ARMC6: variants seen among roughly 807,000 people sequenced by gnomAD.
The protein encoded by ARMC6 is armadillo repeat containing 6, also known as armadillo repeat-containing protein 6.
In ARMC6, 43 loss-of-function variants were observed where a neutral mutation model predicts 49.2. The ratio of observed to expected loss-of-function variants is 0.87; its 90% CI spans 0.69 to 1.13. ARMC6 has a LOEUF of 1.13. Ranked by LOEUF, ARMC6 falls within the 50% of genes most tolerant of loss-of-function variation. The pLI is 0.00. For synonymous variants in ARMC6, 262 were observed against 289.6 expected, an observed-to-expected ratio of 0.90 and a Z score of 0.97; for missense variants, 627 against 682.0, an observed-to-expected ratio of 0.92 and a Z score of 0.90.
At chr19:19,039,243 T>A (rs1344104135) in intron 2 of ARMC6, 3 of 361,114 alleles carry the variant, frequency 8.3e-6, no homozygotes, top group African/African-American at 2.1e-5. Context: ...CAAATGATCC[T>A]CCTGCTTCAG....
Position 19,044,011 on chromosome 19 carries a change from TG to T in ARMC6, c.217del (p.Val73Ter), listed in dbSNP as rs777043274. ...ESQGVDLSNI[V>X]KTAPKVSADG... Reference sequence around the variant, plus strand: ...CAACAGGGGTTGATCTGAGCAACATTGTAAAGACGGCACCTAAAGTCTCTGC... The same window carrying T: ...CAACAGGGGTTGATCTGAGCAACATTTAAAGACGGCACCTAAAGTCTCTGC... On this transcript the variant is annotated frameshift_variant, in exon 4 of 9. Coordinates refer to ENST00000535612, the MANE Select transcript of ARMC6 (RefSeq NM_001199196.2). LOFTEE classifies it high-confidence loss of function. The T allele has an allele frequency of 4.3e-6, 7 of 1,613,908 alleles. No individual in the cohort carries two copies. The highest frequency in any genetic ancestry group is 1.3e-5 in the African/African-American group (1 of 74,890).
rs1465162864 is a variant in ARMC6 at position 19,057,551 on chromosome 19, G to T, written c.1429G>T (p.Ala477Ser). Residue 477 changes from alanine (A) to serine (S), a missense_variant, in exon 9 of 9, where the codon GCC becomes TCC. Transcript: ENST00000535612. ...AHRDCEDVAK[A>S]ALRDLGCHVE... is the part of the protein sequence containing the mutation. Reference sequence around the variant, plus strand: ...CCGTGACTGTGAGGACGTGGCCAAGGCCGCCCTGCGGGACCTGGGTTGTCA... The same window carrying T: ...CCGTGACTGTGAGGACGTGGCCAAGTCCGCCCTGCGGGACCTGGGTTGTCA... 12 of 1,613,844 alleles carry T rather than the reference G, an allele frequency of 7.4e-6. No individual in the cohort carries two copies. In the South Asian group the frequency reaches 1.2e-4, roughly 16 times the overall value.
At chr19:19,049,049 G>A (rs2059475413) in intron 4 of ARMC6, among the ~76,000 whole-genome samples, 1 of 150,360 alleles carries the variant, frequency 6.7e-6, no homozygotes, top group Non-Finnish European at 1.5e-5. Flanking sequence ...TAGTATGGAT[G>A]AGGACTTAGA....
chr19:19,051,155 G>A (rs2059491917), intron 4 of ARMC6, among the ~76,000 whole-genome samples: 1 of 152,218 alleles, frequency 6.6e-6, no homozygotes, highest in African/African-American at 2.4e-5. Context: ...CCATTGACAG[G>A]TGTGCCAGTT....
At chr19:19,049,466 T>G (rs2145868191) in intron 4 of ARMC6, among the ~76,000 whole-genome samples, 1 of 152,318 alleles carries the variant, frequency 6.6e-6, no homozygotes, top group South Asian at 2.1e-4. Flanking sequence ...GTCAGGAGCT[T>G]TTCAAGTTTC....
At chr19:19,039,106 A>G (rs931897491) in intron 2 of ARMC6, among the ~76,000 whole-genome samples, 15 of 148,982 alleles carry the variant, frequency 1.0e-4, no homozygotes, top group Admixed American at 2.1e-4. Flanking sequence ...TAATTTACAT[A>G]CCATAATATT....
At chr19:19,050,314 T>A (rs2059485213) in intron 4 of ARMC6, among the ~76,000 whole-genome samples, 1 of 152,232 alleles carries the variant, frequency 6.6e-6, no homozygotes. Flanking sequence ...GGTATCTCTT[T>A]GAGACTGTGC....
At chr19:19,048,144 G>A (rs1419904887) in intron 4 of ARMC6, among the ~76,000 whole-genome samples, 1 of 152,066 alleles carries the variant, frequency 6.6e-6, no homozygotes, top group Non-Finnish European at 1.5e-5. Context: ...TCAGGTGTTC[G>A]AGACCAGCCT....
At position 19,057,692 on chromosome 19, in the gene ARMC6, C is replaced by A; in HGVS notation, c.*64C>A. 6.7e-7 allele frequency: 1 copy of A among 1,485,260 alleles called. No individual in the cohort carries two copies. The highest frequency in any genetic ancestry group is 9.3e-7 in the Non-Finnish European group (1 of 1,074,432). The allele number at this position is 1,485,260 out of a possible 1,614,324, so 92.0% of individuals were successfully genotyped here. A position where few individuals can be genotyped will look rare whatever the true frequency, so the allele number is the denominator to read the frequency against. The stretch of plus-strand genomic sequence containing the variant: ...TGTGACTCAGGAATGGGGGTAGATC[C>A]ATGTCCTCCACTGTCCCCCATTAGT... On this transcript the variant is annotated 3_prime_UTR_variant, in exon 9 of 9. Coordinates refer to ENST00000535612, the MANE Select transcript of ARMC6 (RefSeq NM_001199196.2).
At chr19:19,039,765 G>C (rs1401504399) in intron 2 of ARMC6, among the ~76,000 whole-genome samples, 1 of 152,186 alleles carries the variant, frequency 6.6e-6, no homozygotes, top group Non-Finnish European at 1.5e-5. Context: ...CATGCGCACA[G>C]ACCATTTTAT....
intron 4 of ARMC6, among the ~76,000 whole-genome samples, chr19:19,047,236 C>T (rs1407651909): frequency 6.6e-6 from 1 of 152,172 alleles, no homozygotes; most frequent in Non-Finnish European, 1.5e-5. Flanking sequence ...GTCCCTCCCA[C>T]CAGACACTGG....
Position 19,034,136 on chromosome 19 carries a change from G to A in ARMC6, c.-74G>A, listed in dbSNP as rs963531076. The A allele has an allele frequency of 8.2e-6, 8 of 970,136 alleles. No individual in the cohort carries two copies. The highest frequency in any genetic ancestry group is 1.3e-5 in the Non-Finnish European group (8 of 619,172). The allele number at this position is 970,136 out of a possible 1,614,324, so 60.1% of individuals were successfully genotyped here. A position where few individuals can be genotyped will look rare whatever the true frequency, so the allele number is the denominator to read the frequency against. The stretch of plus-strand genomic sequence containing the variant: ...CATTTTATTTATTCATTCAGCACCT[G>A]TGCACTGAGTGCCTGCTGCGTGTCG... On this transcript the variant is annotated 5_prime_UTR_variant, in exon 2 of 9. It adds an upstream start codon to the 5' untranslated region. Transcript: ENST00000535612.
At chr19:19,053,248 G>T (rs1029294430) in intron 5 of ARMC6, among the ~76,000 whole-genome samples, 1 of 152,160 alleles carries the variant, frequency 6.6e-6, no homozygotes, top group South Asian at 2.1e-4. Context: ...AGCACTTTGG[G>T]AGGCTGAGGT....
At chr19:19,042,995 A>C (rs202090660) in intron 3 of ARMC6, 118 bp downstream of exon 3, 1 of 1,075,774 alleles carries the variant, frequency 9.3e-7, no homozygotes, top group Non-Finnish European at 1.3e-6. Context: ...ACCAGGTGCC[A>C]TTGGGCCCTG....
At chr19:19,054,009 TC>T in intron 5 of ARMC6, 142 bp from the exon 6 acceptor site, 1 of 732,210 alleles carries the variant, frequency 1.4e-6, no homozygotes, top group Non-Finnish European at 2.0e-6. Context: ...CCCCTGGTGT[TC>T]CCTGGGGCCT....
At position 19,057,685 on chromosome 19, in the gene ARMC6, G is replaced by A. The variant is rs1274738720; in HGVS notation, c.*57G>A. ...TGAGTCGTGTGACTCAGGAATGGGG[G>A]TAGATCCATGTCCTCCACTGTCCCC... On this transcript the variant is annotated 3_prime_UTR_variant, in exon 9 of 9. Transcript: ENST00000535612. The A allele has an allele frequency of 1.3e-6, 2 of 1,499,428 alleles. No individual in the cohort carries two copies. Among genetic ancestry groups the A allele is most frequent in the African/African-American group, 1.4e-5 (1 of 72,614 alleles). The allele number at this position is 1,499,428 out of a possible 1,614,324, so 92.9% of individuals were successfully genotyped here. A position where few individuals can be genotyped will look rare whatever the true frequency, so the allele number is the denominator to read the frequency against.
At chr19:19,043,793 G>A (rs1418447855) in intron 3 of ARMC6, among the ~76,000 whole-genome samples, 199 bp from the exon 4 acceptor site, 1 of 152,102 alleles carries the variant, frequency 6.6e-6, no homozygotes, top group East Asian at 1.9e-4. Context: ...TTTGGCCCAC[G>A]GACCAGTGGC....
chr19:19,042,880 A>T lies in ARMC6; in HGVS notation c.196+3A>T. 1 of 1,613,588 alleles carries T rather than the reference A, an allele frequency of 6.2e-7. No homozygotes were observed. The highest frequency in any genetic ancestry group is 1.1e-5 in the South Asian group (1 of 91,086). ...CGTGGAGCAGTTTGAATCGCAAGGT[A>T]GGGTGGTGTGACTGTCACCTACCAT... On this transcript the variant is annotated splice_donor_region_variant and intron_variant, in intron 3 of 8. Coordinates refer to ENST00000535612, the MANE Select transcript of ARMC6 (RefSeq NM_001199196.2).
chr19:19,044,506 G>T (rs554638529), intron 4 of ARMC6, among the ~76,000 whole-genome samples: 17 of 152,258 alleles, frequency 1.1e-4, no homozygotes, highest in Non-Finnish European at 2.5e-4. Context: ...AGTGAAGTAG[G>T]TGGTGTCATT....
Sources: gnomAD v4.1 joint callset for allele counts (sites outside exome capture counted in the v4.1 genomes callset) on GRCh38, gnomAD v4.1.1 for gene constraint, MANE v1.5 for transcripts, NCBI Gene and HGNC (gene_info 2026-07-23, HGNC 2026-07-21) for gene names.